Variants in NPHP1 observed in about 807,000 individuals in gnomAD.
NPHP1 encodes the protein nephrocystin-1.
A neutral mutation model predicts 90.4 loss-of-function variants in NPHP1; 70 were observed. That is an observed-to-expected ratio of 0.77 (90% confidence interval 0.64 to 0.95). The LOEUF is 0.95. Among genes scored for constraint, NPHP1 ranks in the 40% least tolerant of loss-of-function variants. NPHP1 has a pLI of 0.00. For synonymous variants in NPHP1, 256 were observed against 271.7 expected (o/e 0.94, Z 0.57); for missense variants, 764 against 795.9 (o/e 0.96, Z 0.48).
At chr2:110,171,935 T>C (rs769541353) in intron 4 of NPHP1, among the ~76,000 whole-genome samples, 17 of 152,298 alleles carry the variant, frequency 1.1e-4, no homozygotes, top group South Asian at 8.3e-4. Context: ...GATTTGAAAG[T>C]GTTTCTTCTT....
chr2:110,143,115 T>G (rs1680771064), intron 16 of NPHP1, among the ~76,000 whole-genome samples: 1 of 152,142 alleles, frequency 6.6e-6, no homozygotes. Context: ...CTTTTTAGAG[T>G]GAGGGAAAGT....
At position 110,124,028 on chromosome 2, in the gene NPHP1, C is replaced by T; in HGVS notation, c.1797G>A (p.Leu599=). ...GTGGGAGCACGCAGTCATGGTAAACCAGGAGAAACGTGGACTTCAGGAACT... is the reference window on the plus strand; with the variant it reads ...GTGGGAGCACGCAGTCATGGTAAACTAGGAGAAACGTGGACTTCAGGAACT... ...DKEFLKSTFL[L]VYHDCVLPLL... Residue 599 remains leucine, a synonymous_variant, in exon 20 of 20, where the codon CTG becomes CTA. Coordinates refer to ENST00000445609, the MANE Select transcript of NPHP1 (RefSeq NM_001128178.3). 6.2e-7 allele frequency: 1 copy of T among 1,614,110 alleles called. No individual in the cohort carries two copies. Among genetic ancestry groups the T allele is most frequent in the Non-Finnish European group, 8.5e-7 (1 of 1,179,994 alleles).
At chr2:110,149,837 G>A (rs934292070) in intron 12 of NPHP1, among the ~76,000 whole-genome samples, 1 of 152,090 alleles carries the variant, frequency 6.6e-6, no homozygotes, top group Admixed American at 6.5e-5. Context: ...TCCCTCAGGC[G>A]TCATCCCTGA....
At chr2:110,187,458 C>A (rs1684376358) in intron 2 of NPHP1, among the ~76,000 whole-genome samples, 1 of 152,098 alleles carries the variant, frequency 6.6e-6, no homozygotes. Context: ...CCTCCCAAGA[C>A]TGAACCAGGA....
intron 18 of NPHP1, 98 bp downstream of exon 18, chr2:110,129,088 T>C (rs1291466063): frequency 3.8e-6 from 3 of 791,156 alleles, no homozygotes; most frequent in Non-Finnish European, 6.5e-6. Context: ...GACATCATCC[T>C]AGTAACAAAA....
At chr2:110,181,890 T>C (rs1683931204) in intron 2 of NPHP1, among the ~76,000 whole-genome samples, 1 of 152,068 alleles carries the variant, frequency 6.6e-6, no homozygotes, top group Non-Finnish European at 1.5e-5. Flanking sequence ...CTAAGAATCA[T>C]GATAAACCAA....
intron 2 of NPHP1, among the ~76,000 whole-genome samples, chr2:110,196,560 T>C (rs987118717): frequency 7.9e-5 from 12 of 152,150 alleles, no homozygotes; most frequent in Non-Finnish European, 2.9e-5. Context: ...TTGGTGGGAC[T>C]GTAAACTAGT....
rs749565591 is a variant in NPHP1 at position 110,168,417 on chromosome 2, A to G, written c.624+35T>C. On this transcript the variant is annotated intron_variant, in intron 6 of 19. Transcript: ENST00000445609. ...TTTTATTAAAAGCGAAAAAAAAAAA[A>G]GTCTTAGAAAAGGAAGGCATAAACC... 1.3e-5 allele frequency: 17 copies of G among 1,306,190 alleles called. No homozygotes were observed. In the Middle Eastern group the frequency reaches 5.5e-4, roughly 42 times the overall value. The allele number at this position is 1,306,190 out of a possible 1,614,324, so 80.9% of individuals were successfully genotyped here.
intron 17 of NPHP1, among the ~76,000 whole-genome samples, chr2:110,131,416 A>G (rs1488417312): frequency 6.6e-6 from 1 of 152,200 alleles, no homozygotes; most frequent in Non-Finnish European, 1.5e-5. Flanking sequence ...ATATGACTAT[A>G]TCTGACTCTT....
intron 4 of NPHP1, among the ~76,000 whole-genome samples, chr2:110,171,678 C>G (rs796346193): frequency 2.5e-4 from 38 of 152,226 alleles, no homozygotes; most frequent in African/African-American, 8.9e-4. Context: ...ATAATGTGAA[C>G]TTGATAACGG....
At chr2:110,167,988 C>A (rs1310927492) in intron 6 of NPHP1, among the ~76,000 whole-genome samples, 1 of 152,130 alleles carries the variant, frequency 6.6e-6, no homozygotes, top group African/African-American at 2.4e-5. Flanking sequence ...CATCATAGTT[C>A]TACTGGACAG....
chr2:110,190,870 A>C (rs1684671062), intron 2 of NPHP1, among the ~76,000 whole-genome samples: 1 of 152,186 alleles, frequency 6.6e-6, no homozygotes, highest in Non-Finnish European at 1.5e-5. Flanking sequence ...TATAAGAAAA[A>C]AAAACCCCAT....
chr2:110,168,527 T>C lies in NPHP1; in HGVS notation c.549A>G (p.Glu183=), dbSNP rs1682880309. 6.2e-7 allele frequency: 1 copy of C among 1,612,918 alleles called. No individual in the cohort carries two copies. Among genetic ancestry groups the C allele is most frequent in the Admixed American group, 1.7e-5 (1 of 60,014 alleles). ...FKKGEILLVI[E]KKPDGWWIAK... ...CTATCCACCAACCATCAGGTTTTTTTTCAATTACAAGGAGAATTTCCCCTT... is the reference window on the plus strand; with the variant it reads ...CTATCCACCAACCATCAGGTTTTTTCTCAATTACAAGGAGAATTTCCCCTT... The change falls in exon 6 of 20, where the codon GAA becomes GAG. Residue 183 remains glutamate (E), a synonymous_variant. Coordinates refer to ENST00000445609, the MANE Select transcript of NPHP1 (RefSeq NM_001128178.3).
intron 16 of NPHP1, among the ~76,000 whole-genome samples, chr2:110,138,595 C>T (rs1316241871): frequency 6.6e-6 from 1 of 152,080 alleles, no homozygotes; most frequent in East Asian, 1.9e-4. Flanking sequence ...AGGGATCAGG[C>T]TCTGATTCTG....
At chr2:110,189,420 G>A (rs1358190543) in intron 2 of NPHP1, among the ~76,000 whole-genome samples, 1 of 151,950 alleles carries the variant, frequency 6.6e-6, no homozygotes, top group South Asian at 2.1e-4. Flanking sequence ...AAGGCGGCAC[G>A]TCTGGAGTTG....
chr2:110,186,997 A>G (rs574269757), intron 2 of NPHP1, among the ~76,000 whole-genome samples: 43 of 152,192 alleles, frequency 2.8e-4, no homozygotes, highest in Non-Finnish European at 4.6e-4. Context: ...ACAACGTATC[A>G]GAATCTCTGA....
intron 14 of NPHP1, among the ~76,000 whole-genome samples, chr2:110,145,257 C>A (rs1469054258): frequency 6.6e-6 from 1 of 152,132 alleles, no homozygotes; most frequent in Admixed American, 6.5e-5. Context: ...AATTCTGCTC[C>A]TCAGAGGCAA....
chr2:110,182,434 C>T (rs1250372532), intron 2 of NPHP1, among the ~76,000 whole-genome samples: 1 of 151,990 alleles, frequency 6.6e-6, no homozygotes. Flanking sequence ...AACAGCATAC[C>T]TCTCAGTGGA....
At chr2:110,150,949 T>C (rs968316797) in intron 11 of NPHP1, among the ~76,000 whole-genome samples, 5 of 150,858 alleles carry the variant, frequency 3.3e-5, no homozygotes, top group Admixed American at 3.3e-4. Context: ...GTGGATTACA[T>C]GAATTTGGGA....
Sources: allele counts gnomAD v4.1 joint callset (sites outside exome capture counted in the v4.1 genomes callset), GRCh38; gene constraint gnomAD v4.1.1; transcripts MANE v1.5; gene names NCBI Gene and HGNC (gene_info 2026-07-23, HGNC 2026-07-21).